The following KCNJ10 variants were observed in gnomAD, a reference collection of about 807,000 sequenced individuals.
KCNJ10 encodes the protein potassium inwardly rectifying channel subfamily J member 10, also known as ATP-sensitive inward rectifier potassium channel 10.
In KCNJ10, 9 loss-of-function variants were observed where a neutral mutation model predicts 22.2. The observed-to-expected ratio is 0.40, with a 90% CI of 0.24 to 0.71. The LOEUF (loss-of-function observed/expected upper bound fraction) is 0.71, where lower values mean the gene tolerates loss of function less well. Among genes scored for constraint, KCNJ10 ranks in the 30% least tolerant of loss-of-function variants. KCNJ10 has a pLI of 0.35. For synonymous variants in KCNJ10, 184 were observed against 187.3 expected (o/e 0.98, Z 0.15); for missense variants, 337 against 482.7 (o/e 0.70, Z 2.83).
At chr1:160,068,836 C>T (rs1394352536) in intron 1 of KCNJ10, among the ~76,000 whole-genome samples, 1 of 152,206 alleles carries the variant, frequency 6.6e-6, no homozygotes, top group Non-Finnish European at 1.5e-5. Context: ...CCCACCCCTC[C>T]TGGGGCTAAT....
At chr1:160,049,680 TATATATATATATATATATATATATA>T (rs1648840962) in intron 1 of KCNJ10, among the ~76,000 whole-genome samples, 5 of 71,400 alleles carry the variant, frequency 7.0e-5, no homozygotes, top group Non-Finnish European at 8.5e-5. Context: ...TTTATTTATA[TATATATATATATATATATATATATA>T]TATATATATA....
Position 160,042,359 on chromosome 1 carries a change from G to A in KCNJ10, c.174C>T (p.Thr58=). ...TGTAGCGCCACTGCATGTCAATGAA[G>A]GTTGTCCACAGGTCCTTGAGGTAGA... ...RFLYLKDLWT[T]FIDMQWRYKL... is the part of the protein sequence containing the mutation. Residue 58 remains threonine, a synonymous_variant, in exon 2 of 2, where the codon ACC becomes ACT. Coordinates refer to ENST00000644903, the MANE Select transcript of KCNJ10 (RefSeq NM_002241.5). The A allele has an allele frequency of 6.2e-7, 1 of 1,613,576 alleles. No individual in the cohort carries two copies. Among genetic ancestry groups the A allele is most frequent in the Non-Finnish European group, 8.5e-7 (1 of 1,179,474 alleles).
At chr1:160,042,754 A>G (rs1002842640) in intron 1 of KCNJ10, among the ~76,000 whole-genome samples, 2 of 151,980 alleles carry the variant, frequency 1.3e-5, no homozygotes, top group Non-Finnish European at 2.9e-5. Flanking sequence ...CTGGCCAACA[A>G]GGCAAAACCC....
At position 160,041,435 on chromosome 1, in the gene KCNJ10, C is replaced by T; in HGVS notation, c.1098G>A (p.Glu366=). The T allele has an allele frequency of 6.2e-7, 1 of 1,613,972 alleles. No homozygotes were observed. Among genetic ancestry groups the T allele is most frequent in the Non-Finnish European group, 8.5e-7 (1 of 1,179,988 alleles). The change falls in exon 2 of 2, where the codon GAG becomes GAA. Residue 366 remains glutamate, a synonymous_variant. Transcript: ENST00000644903. The surrounding 1 kb of genome is among the most constrained non-coding windows in gnomAD (Gnocchi z 4.4). ...GCACACTAAGGGCACTGCCCTCCTT[C>T]TCAGCTTGCTCCCTTAATGACTCCT... ...KLEESLREQA[E]KEGSALSVRI... is the part of the protein sequence containing the mutation.
chr1:160,054,217 C>T (rs1455710267), intron 1 of KCNJ10, among the ~76,000 whole-genome samples: 4 of 152,168 alleles, frequency 2.6e-5, no homozygotes, highest in Non-Finnish European at 5.9e-5. Flanking sequence ...TGAGTCATCA[C>T]CCCATCCCGG....
rs745340219 is a variant in KCNJ10, at chr1:160,042,260, C to T, written c.273G>A (p.Val91=). ...LFGVVWYLVA[V]AHGDLLELDP... is the part of the protein sequence containing the mutation. ...CCAGCTCCAGCAGGTCCCCATGTGC[C>T]ACAGCTACCAGATACCACACCACGC... Residue 91 remains valine (V), a synonymous_variant, in exon 2 of 2, where the codon GTG becomes GTA. Coordinates refer to ENST00000644903, the MANE Select transcript of KCNJ10 (RefSeq NM_002241.5). 161 of 1,613,964 alleles carry T rather than the reference C, an allele frequency of 1.0e-4. No homozygotes were observed. Among genetic ancestry groups the T allele is most frequent in the Non-Finnish European group, 1.3e-4 (156 of 1,179,972 alleles).
At chr1:160,068,274 A>C (rs933839576) in intron 1 of KCNJ10, among the ~76,000 whole-genome samples, 1 of 114,168 alleles carries the variant, frequency 8.8e-6, no homozygotes, top group East Asian at 3.5e-4. Flanking sequence ...TACCCCTGCC[A>C]CTCCCACTCC....
intron 1 of KCNJ10, among the ~76,000 whole-genome samples, chr1:160,056,087 T>C (rs1476395485): frequency 6.6e-6 from 1 of 152,140 alleles, no homozygotes; most frequent in African/African-American, 2.4e-5. Flanking sequence ...CTCATCTGAT[T>C]GGTAACTAGG....
intron 1 of KCNJ10, chr1:160,063,673 G>C (rs1379787248): frequency 1.3e-5 from 2 of 152,222 alleles, no homozygotes; most frequent in Non-Finnish European, 2.9e-5. Context: ...CAGAGATGGA[G>C]CTAGGCCTTA....
intron 1 of KCNJ10, among the ~76,000 whole-genome samples, chr1:160,058,434 G>C (rs1457887641): frequency 1.3e-5 from 2 of 152,198 alleles, no homozygotes. Flanking sequence ...TTCTGTGGAA[G>C]GCACATCTCT....
chr1:160,065,641 A>C (rs1217521147), intron 1 of KCNJ10, among the ~76,000 whole-genome samples: 1 of 152,124 alleles, frequency 6.6e-6, no homozygotes, highest in Admixed American at 6.5e-5. Flanking sequence ...CATGGCTCAG[A>C]GACTGCCTGG....
At chr1:160,045,514 G>T (rs75495941) in intron 1 of KCNJ10, among the ~76,000 whole-genome samples, 2,438 of 152,286 alleles carry the variant, frequency 0.016, 65 homozygotes, top group African/African-American at 0.05. Flanking sequence ...ATTTAGCAAA[G>T]CAGTACAATA....
At chr1:160,043,684 A>G (rs1648672568) in intron 1 of KCNJ10, among the ~76,000 whole-genome samples, 1 of 152,264 alleles carries the variant, frequency 6.6e-6, no homozygotes, top group Non-Finnish European at 1.5e-5. Context: ...GACAGAATGA[A>G]GTAGAAGAGC....
chr1:160,065,475 C>T (rs1185156547), intron 1 of KCNJ10, among the ~76,000 whole-genome samples: 2 of 152,166 alleles, frequency 1.3e-5, no homozygotes, highest in Non-Finnish European at 2.9e-5. Context: ...AGACAAGTCT[C>T]CTCCAACATC....
intron 1 of KCNJ10, among the ~76,000 whole-genome samples, chr1:160,065,917 G>A (rs1389207874): frequency 6.6e-6 from 1 of 152,234 alleles, no homozygotes; most frequent in East Asian, 1.9e-4. Context: ...GGAGGCTGCT[G>A]TGGGCATCCA....
rs148385546 is a variant in KCNJ10 at position 160,045,088 on chromosome 1, G to A, written c.1-2556C>T. On this transcript the variant is annotated intron_variant, in intron 1 of 1. Coordinates refer to ENST00000644903, the MANE Select transcript of KCNJ10 (RefSeq NM_002241.5). ...AAATCGAAGAAGTGCAACAGAGAAC[G>A]TGTACCTAAACTTCAGGAGATTTTT... Among the ~76,000 whole-genome samples, 14 of 152,274 alleles carry A rather than the reference G, an allele frequency of 9.2e-5. No homozygotes were observed. The East Asian group carries it at 1.7e-3, about 19-fold the overall frequency.
intron 1 of KCNJ10, chr1:160,065,147 G>A (rs552557403): frequency 6.6e-6 from 1 of 152,110 alleles, no homozygotes; most frequent in South Asian, 2.1e-4. Flanking sequence ...GTAATCTTAG[G>A]GTGAAGCCAT....
In KCNJ10 at chr1:160,040,966, C is replaced by G; in HGVS notation, c.*427G>C. The G allele has an allele frequency of 3.2e-6, 1 of 314,184 alleles. No homozygotes were observed. Among genetic ancestry groups the G allele is most frequent in the South Asian group, 5.8e-5 (1 of 17,324 alleles). 19.5% of individuals were successfully genotyped at this position (314,184 alleles called of 1,614,324 possible). Reference sequence around the variant, plus strand: ...CCACAAAGTGACCATCAGAGAGAGTCTTGCCTTTGGGAACTTGCTAGATGG... The same window carrying G: ...CCACAAAGTGACCATCAGAGAGAGTGTTGCCTTTGGGAACTTGCTAGATGG... On this transcript the variant is annotated 3_prime_UTR_variant, in exon 2 of 2. Transcript: ENST00000644903.
In KCNJ10 at chr1:160,041,814, A is replaced by G. The variant is rs765938615; in HGVS notation, c.719T>C (p.Val240Ala). 1.2e-6 allele frequency: 2 copies of G among 1,614,196 alleles called. No homozygotes were observed. Among genetic ancestry groups the G allele is most frequent in the Non-Finnish European group, 1.7e-6 (2 of 1,180,032 alleles). The change falls in exon 2 of 2, where the codon GTA becomes GCA. Residue 240 changes from valine (V) to alanine (A), a missense_variant. This residue lies in a region of KCNJ10 where 165 missense variants were observed against 281.5 expected (regional missense o/e 0.59). Transcript: ENST00000644903. The surrounding 1 kb of genome is among the most constrained non-coding windows in gnomAD (Gnocchi z 4.4). ...GAAGGGGCTGTCAGAGGCTGTGTCT[A>G]CTTGGAAAGTCACATTGACCTGGTT... is the stretch of plus-strand genomic sequence containing the variant. Reference protein sequence around the residue: ...RLNQVNVTFQVDTASDSPFLI... With the variant: ...RLNQVNVTFQADTASDSPFLI...
Sources: allele counts gnomAD v4.1 joint callset (sites outside exome capture counted in the v4.1 genomes callset), GRCh38; gene constraint gnomAD v4.1.1; regional missense constraint gnomAD v4.1.1; non-coding constraint Gnocchi (gnomAD v3.1); transcripts MANE v1.5; gene names NCBI Gene and HGNC (gene_info 2026-07-23, HGNC 2026-07-21).